The following FEZ2 variants were observed in gnomAD, a reference collection of about 807,000 sequenced individuals.
The protein encoded by FEZ2 is fasciculation and elongation protein zeta 2.
FEZ2 carries 51 observed loss-of-function variants against 40.4 expected under a neutral mutation model. The observed-to-expected ratio is 1.26, with a 90% CI of 1.01 to 1.59. FEZ2 has a LOEUF of 1.59. Among genes scored for constraint, FEZ2 ranks in the 40% most tolerant of loss-of-function variants. FEZ2 has a pLI of 0.00. For synonymous variants in FEZ2, 242 were observed against 172.0 expected (o/e 1.41, Z -3.18); for missense variants, 640 against 438.3 (o/e 1.46, Z -4.11).
chr2:36,558,847 T>C (rs1668022351), intron 5 of FEZ2: 1 of 171,108 alleles, frequency 5.8e-6, no homozygotes, highest in Non-Finnish European at 1.2e-5. Flanking sequence ...CACATTCTAC[T>C]TGCATATTTT....
intron 5 of FEZ2, among the ~76,000 whole-genome samples, chr2:36,569,822 A>G (rs552559329): frequency 6.6e-6 from 1 of 152,190 alleles, no homozygotes; most frequent in African/African-American, 2.4e-5. Context: ...TAAAATCTCA[A>G]TATCAAAGCT....
Position 36,553,138 on chromosome 2 carries a change from G to A in FEZ2, c.*25C>T, listed in dbSNP as rs764644627. 10 of 1,560,946 alleles carry A rather than the reference G, an allele frequency of 6.4e-6. No individual in the cohort carries two copies. In the Admixed American group the frequency reaches 1.7e-4, roughly 26 times the overall value. On this transcript the variant is annotated 3_prime_UTR_variant, in exon 8 of 8. Transcript: ENST00000405912. The stretch of plus-strand genomic sequence containing the variant: ...AATGCTGTCGGAAATCTAGCTTGGA[G>A]CCCACCGCAGATAAAGTTGCTGCTC...
In FEZ2 at chr2:36,552,766, T is replaced by C. The variant is rs1281519531; in HGVS notation, c.*397A>G. 9 of 202,140 alleles carry C rather than the reference T, an allele frequency of 4.5e-5. No individual in the cohort carries two copies. The highest frequency in any genetic ancestry group is 2.0e-3 in the Middle Eastern group (1 of 510). The allele number at this position is 202,140 out of a possible 1,614,324, so 12.5% of individuals were successfully genotyped here. On this transcript the variant is annotated 3_prime_UTR_variant, in exon 8 of 8. Coordinates refer to ENST00000405912, the MANE Select transcript of FEZ2 (RefSeq NM_005102.3). ...TCTCACAAAAAAACAGTGTTGGTTC[T>C]TGCCATCACTGAATTTATAGTATAA...
chr2:36,563,460 C>T (rs1283958773), intron 5 of FEZ2, among the ~76,000 whole-genome samples: 1 of 151,402 alleles, frequency 6.6e-6, no homozygotes, highest in Non-Finnish European at 1.5e-5. Flanking sequence ...ACAGTTCAAT[C>T]GCCTCTTGAT....
At chr2:36,595,142 C>T (rs1249735138) in intron 1 of FEZ2, among the ~76,000 whole-genome samples, 2 of 152,046 alleles carry the variant, frequency 1.3e-5, no homozygotes, top group Non-Finnish European at 1.5e-5. Flanking sequence ...CATATTTAAC[C>T]AAAACAAAAG....
chr2:36,556,295 C>T (rs897842776), intron 6 of FEZ2: 2 of 196,918 alleles, frequency 1.0e-5, no homozygotes, highest in Non-Finnish European at 2.2e-5. Context: ...CTGTTGCCTC[C>T]TCTGCACTAG....
rs374995157 is a variant in FEZ2 at position 36,578,683 on chromosome 2, G to A, written c.817C>T (p.His273Tyr). Reference sequence around the variant, plus strand: ...TTTTTCTTTTTTGCTGTTTCTTTGTGCTCTTTCTGTTTGTTTTGCACTTCA... The same window carrying A: ...TTTTTCTTTTTTGCTGTTTCTTTGTACTCTTTCTGTTTGTTTTGCACTTCA... ...LIEVQNKQKE[H>Y]KETAKKKKKL... The change falls in exon 5 of 8, where the codon CAC becomes TAC. Residue 273 changes from histidine to tyrosine, a missense_variant. Coordinates refer to ENST00000405912, the MANE Select transcript of FEZ2 (RefSeq NM_005102.3). The A allele has an allele frequency of 4.8e-5, 78 of 1,613,414 alleles. No homozygotes were observed. Among genetic ancestry groups the A allele is most frequent in the African/African-American group, 1.9e-4 (14 of 74,776 alleles).
chr2:36,569,683 C>T (rs1263992423), intron 5 of FEZ2, among the ~76,000 whole-genome samples: 2 of 152,186 alleles, frequency 1.3e-5, no homozygotes, highest in African/African-American at 2.4e-5. Flanking sequence ...CAGAAAGCAA[C>T]ATCCAAGACA....
intron 5 of FEZ2, among the ~76,000 whole-genome samples, chr2:36,568,169 A>G (rs1219034849): frequency 6.6e-6 from 1 of 151,598 alleles, no homozygotes; most frequent in Non-Finnish European, 1.5e-5. Context: ...GGAAAGGGAG[A>G]GACAGAAGGG....
intron 1 of FEZ2, chr2:36,594,483 C>A: frequency 5.1e-6 from 1 of 197,988 alleles, no homozygotes; most frequent in Non-Finnish European, 9.9e-6. Flanking sequence ...ATGGCGGCAG[C>A]AAGGGAAAAT....
intron 5 of FEZ2, among the ~76,000 whole-genome samples, chr2:36,575,489 T>C (rs1162765305): frequency 6.6e-6 from 1 of 152,204 alleles, no homozygotes; most frequent in Non-Finnish European, 1.5e-5. Context: ...CTGCCCACTG[T>C]ATCTTGAAGA....
At chr2:36,555,300 C>T (rs537688640) in intron 7 of FEZ2, 1 of 161,052 alleles carries the variant, frequency 6.2e-6, no homozygotes, top group African/African-American at 2.4e-5. Context: ...TCCGTCCTCA[C>T]TAATGATCTG....
intron 5 of FEZ2, among the ~76,000 whole-genome samples, chr2:36,569,526 A>G (rs1668348787): frequency 6.6e-6 from 1 of 152,258 alleles, no homozygotes; most frequent in African/African-American, 2.4e-5. Context: ...TTTCTGAACA[A>G]TAAAAAGAAA....
chr2:36,583,371 G>T lies in FEZ2; in HGVS notation c.474C>A (p.Pro158=). The change falls in exon 3 of 8, where the codon CCC becomes CCA. Residue 158 remains proline, a synonymous_variant. Coordinates refer to ENST00000405912, the MANE Select transcript of FEZ2 (RefSeq NM_005102.3). ...TCTATACCTGGTCTGCCGTGAAGAG[G>T]GGTTCATCATTAACACAGGAGACGA... ...SIIVSCVNDE[P]LFTADQVIEE... is the part of the protein sequence containing the mutation. The T allele has an allele frequency of 1.3e-6, 2 of 1,580,652 alleles. No homozygotes were observed. The highest frequency in any genetic ancestry group is 2.7e-5 in the African/African-American group (2 of 74,344).
At chr2:36,571,748 G>A (rs1274948293) in intron 5 of FEZ2, among the ~76,000 whole-genome samples, 1 of 151,754 alleles carries the variant, frequency 6.6e-6, no homozygotes, top group Non-Finnish European at 1.5e-5. Flanking sequence ...GCTCACTCCT[G>A]TAATCCCAGC....
intron 5 of FEZ2, among the ~76,000 whole-genome samples, chr2:36,568,798 C>T (rs534187166): frequency 1.4e-4 from 22 of 152,336 alleles, no homozygotes; most frequent in African/African-American, 5.1e-4. Flanking sequence ...ACCACTGCCT[C>T]GTGGTTGTTT....
intron 3 of FEZ2, chr2:36,581,659 G>A (rs1668753692): frequency 2.2e-6 from 1 of 451,534 alleles, no homozygotes; most frequent in African/African-American, 2.0e-5. Context: ...AATAGAATTG[G>A]ATTTACTACG....
At chr2:36,567,458 T>C (rs1359514310) in intron 5 of FEZ2, among the ~76,000 whole-genome samples, 4 of 151,716 alleles carry the variant, frequency 2.6e-5, no homozygotes, top group African/African-American at 7.3e-5. Context: ...AACAATGGAG[T>C]GACTAAGAAA....
intron 2 of FEZ2, among the ~76,000 whole-genome samples, chr2:36,589,095 C>T (rs913487752): frequency 1.3e-5 from 2 of 152,142 alleles, no homozygotes; most frequent in Non-Finnish European, 2.9e-5. Flanking sequence ...CACTTATTCA[C>T]TCAATAAAAA....
Sources: allele counts gnomAD v4.1 joint callset (sites outside exome capture counted in the v4.1 genomes callset), GRCh38; gene constraint gnomAD v4.1.1; transcripts MANE v1.5; gene names NCBI Gene and HGNC (gene_info 2026-07-23, HGNC 2026-07-21).